The following FTCDNL1 variants were observed in gnomAD, a reference collection of about 807,000 sequenced individuals.
The protein encoded by FTCDNL1 is formiminotransferase N-terminal subdomain-containing protein.
In FTCDNL1, 11 loss-of-function variants were observed where a neutral mutation model predicts 5.9. That is an observed-to-expected ratio of 1.87 (90% CI 1.18 to 3.10). The LOEUF (loss-of-function observed/expected upper bound fraction) is 3.10, where lower values mean the gene tolerates loss of function less well. Among genes scored for constraint, FTCDNL1 ranks in the 30% most tolerant of loss-of-function variants. FTCDNL1 has a pLI of 0.00. For missense variants in FTCDNL1, 115 were observed against 65.5 expected, an observed-to-expected ratio of 1.76 and a Z score of -2.61; for synonymous variants, 58 against 24.8, an observed-to-expected ratio of 2.34 and a Z score of -3.99.
At position 199,812,714 on chromosome 2, in the gene FTCDNL1, C is replaced by T. The variant is rs1387364979; in HGVS notation, c.408G>A (p.Arg136=). 5.7e-6 allele frequency: 4 copies of T among 698,854 alleles called. No homozygotes were observed. The highest frequency in any genetic ancestry group is 1.0e-5 in the Non-Finnish European group (4 of 383,518). The allele number at this position is 698,854 out of a possible 1,614,324, so 43.3% of individuals were successfully genotyped here. A position where few individuals can be genotyped will look rare whatever the true frequency, so the allele number is the denominator to read the frequency against. ...SQRCGLTACF[R]AL is the part of the protein sequence containing the mutation. ...TCTTCCAACACAACTGTCACAACGC[C>T]CTGAAGCAAGCTAAAAACAAGGAAA... Residue 136 remains arginine, a synonymous_variant, in exon 5 of 5, where the codon AGG becomes AGA. Coordinates refer to ENST00000420128, the MANE Select transcript of FTCDNL1 (RefSeq NM_001363886.2).
At chr2:199,758,184 G>A, downstream of FTCDNL1, among the ~76,000 whole-genome samples, 1 of 151,572 alleles carries the variant, frequency 6.6e-6, no homozygotes, top group East Asian at 1.9e-4. Context: ...AAAATTAGGA[G>A]GGAAGTAATA....
chr2:199,729,068 T>C, the FTCDNL1 span, among the ~76,000 whole-genome samples: 4 of 152,212 alleles, frequency 2.6e-5, no homozygotes, highest in Non-Finnish European at 5.9e-5. Flanking sequence ...ACTGAGGGAA[T>C]GAGCTTCACT....
At chr2:199,751,398 A>G in the FTCDNL1 span, among the ~76,000 whole-genome samples, 1 of 152,194 alleles carries the variant, frequency 6.6e-6, no homozygotes, top group East Asian at 1.9e-4. Flanking sequence ...AGAGAAGAGG[A>G]CAAGACATGA....
Position 199,766,087 on chromosome 2 carries a change from T to C in FTCDNL1, c.212-5252A>G, listed in dbSNP as rs188824456. On this transcript the variant is annotated intron_variant, in intron 3 of 3. Coordinates refer to the FTCDNL1 transcript ENST00000416668. ...CCTCACCCCCATCAGTTCAACAGTG[T>C]ACAGACAACCTGGGCAGGCCAGTGT... is the stretch of plus-strand genomic sequence containing the variant. Among the ~76,000 whole-genome samples the C allele has an allele frequency of 2.0e-5, 3 of 152,300 alleles. No individual in the cohort carries two copies. In the East Asian group the frequency reaches 5.8e-4, roughly 29 times the overall value.
chr2:199,817,435 C>A (rs1261665453), intron 4 of FTCDNL1, among the ~76,000 whole-genome samples: 2 of 152,066 alleles, frequency 1.3e-5, no homozygotes, highest in African/African-American at 2.4e-5. Flanking sequence ...GTGGGATTTG[C>A]AGATTTTTAT....
At position 199,792,556 on chromosome 2, in the gene FTCDNL1, A is replaced by G. The variant is rs1452511057; in HGVS notation, c.212-31721T>C. 2.0e-5 allele frequency among the ~76,000 whole-genome samples: 3 copies of G among 152,270 alleles called. No individual in the cohort carries two copies. In the East Asian group the frequency reaches 5.8e-4, roughly 29 times the overall value. On this transcript the variant is annotated intron_variant, in intron 3 of 3. Transcript: ENST00000416668. ...ATTTCTGTACCTTTCGTGCCTGACT[A>G]CATACATGCCTACCAACTACCCACT...
intron 3 of FTCDNL1, among the ~76,000 whole-genome samples, chr2:199,798,188 A>G (rs1400442421): frequency 6.6e-6 from 1 of 152,224 alleles, no homozygotes; most frequent in African/African-American, 2.4e-5. Context: ...AAGTCACTTG[A>G]TAAATGATTA....
At chr2:199,700,739 C>G in the FTCDNL1 span, among the ~76,000 whole-genome samples, 1 of 152,132 alleles carries the variant, frequency 6.6e-6, no homozygotes, top group African/African-American at 2.4e-5. Flanking sequence ...AAGCCGCACA[C>G]CTGCAACTAT....
At chr2:199,704,423 A>G in the FTCDNL1 span, among the ~76,000 whole-genome samples, 1 of 152,096 alleles carries the variant, frequency 6.6e-6, no homozygotes, top group African/African-American at 2.4e-5. Flanking sequence ...CTGTCCAGGG[A>G]AGACTGGGGG....
chr2:199,675,688 A>G, the FTCDNL1 span, among the ~76,000 whole-genome samples: 98 of 152,076 alleles, frequency 6.4e-4, no homozygotes, highest in Non-Finnish European at 1.2e-3. Flanking sequence ...TCACGGTTCA[A>G]GATAGATGTC....
intron 3 of FTCDNL1, among the ~76,000 whole-genome samples, chr2:199,784,114 C>T (rs931711350): frequency 6.6e-6 from 1 of 152,132 alleles, no homozygotes; most frequent in African/African-American, 2.4e-5. Flanking sequence ...GGGACCTGAA[C>T]CTCAGCTTTT....
At chr2:199,788,077 G>GTAGA (rs1424946727) in intron 3 of FTCDNL1, among the ~76,000 whole-genome samples, 1 of 152,154 alleles carries the variant, frequency 6.6e-6, no homozygotes, top group Non-Finnish European at 1.5e-5. Context: ...GCTTATAAGA[G>GTAGA]TAGAATTAAG....
chr2:199,777,777 G>A (rs1699166730), intron 3 of FTCDNL1, among the ~76,000 whole-genome samples: 1 of 151,988 alleles, frequency 6.6e-6, no homozygotes, highest in African/African-American at 2.4e-5. Context: ...GCTGACAAGG[G>A]GGTGGAACGT....
At chr2:199,682,643 G>A in the FTCDNL1 span, among the ~76,000 whole-genome samples, 1 of 152,094 alleles carries the variant, frequency 6.6e-6, no homozygotes, top group Non-Finnish European at 1.5e-5. Flanking sequence ...TAACTCACCA[G>A]AACTTTCAAA....
the FTCDNL1 span, among the ~76,000 whole-genome samples, chr2:199,743,561 T>G: frequency 8.6e-3 from 1,288 of 150,550 alleles, 18 homozygotes; most frequent in African/African-American, 0.03. Context: ...TGGTGGAGAC[T>G]CTCCCTGACT....
At chr2:199,701,761 G>T in the FTCDNL1 span, among the ~76,000 whole-genome samples, 2 of 152,268 alleles carry the variant, frequency 1.3e-5, no homozygotes, top group African/African-American at 4.8e-5. Context: ...GGCTGAGCTA[G>T]GCTGAGCTCA....
chr2:199,709,663 G>A, the FTCDNL1 span, among the ~76,000 whole-genome samples: 1 of 152,038 alleles, frequency 6.6e-6, no homozygotes, highest in African/African-American at 2.4e-5. Flanking sequence ...ATGAAAATCT[G>A]CCACTGGTTT....
chr2:199,702,624 C>T, the FTCDNL1 span, among the ~76,000 whole-genome samples: 3 of 152,134 alleles, frequency 2.0e-5, no homozygotes, highest in African/African-American at 7.2e-5. Flanking sequence ...TGCCTCTATG[C>T]ATCAGTTGTT....
intron 4 of FTCDNL1, among the ~76,000 whole-genome samples, chr2:199,813,049 C>T (rs75177981): frequency 1.3e-5 from 2 of 152,040 alleles, no homozygotes; most frequent in Admixed American, 1.3e-4. Context: ...AGAAAAAAAC[C>T]AAATGCACTT....
Sources: gnomAD v4.1 joint callset for allele counts (sites outside exome capture counted in the v4.1 genomes callset) on GRCh38, gnomAD v4.1.1 for gene constraint, MANE v1.5 for transcripts, NCBI Gene and HGNC (gene_info 2026-07-23, HGNC 2026-07-21) for gene names.